WNT7B: variants seen among roughly 807,000 people sequenced by gnomAD.
WNT7B encodes protein Wnt-7b.
Under a neutral mutation model 38.2 loss-of-function variants are expected in WNT7B, and 19 were observed. The ratio of observed to expected loss-of-function variants is 0.50; its 90% CI spans 0.35 to 0.73. The LOEUF (loss-of-function observed/expected upper bound fraction) is 0.73. Ranked by LOEUF, WNT7B falls within the 30% of genes least tolerant of loss-of-function variation. WNT7B has a pLI of 0.01. For missense variants in WNT7B, 423 were observed against 507.9 expected (o/e 0.83, Z 1.61); for synonymous variants, 243 against 209.3 (o/e 1.16, Z -1.39).
At chr22:45,931,994 A>T (rs943391710) in intron 2 of WNT7B, among the ~76,000 whole-genome samples, 13 of 152,108 alleles carry the variant, frequency 8.5e-5, no homozygotes, top group African/African-American at 3.1e-4. Flanking sequence ...GTCCGTCTCC[A>T]GATCCTCGGC....
intron 2 of WNT7B, among the ~76,000 whole-genome samples, chr22:45,938,217 G>A (rs1931559143): frequency 6.6e-6 from 1 of 152,168 alleles, no homozygotes; most frequent in South Asian, 2.1e-4. Context: ...GGCACAGAGA[G>A]ACAAATATCA....
At chr22:45,925,084 C>T in intron 3 of WNT7B, 1 of 977,548 alleles carries the variant, frequency 1.0e-6, no homozygotes, top group South Asian at 4.8e-5. Flanking sequence ...CAGGTGGGTG[C>T]TGGGTGGGCC....
Position 45,965,128 on chromosome 22 carries a change from C to T in WNT7B, c.71+11556G>A, listed in dbSNP as rs1932283850. On this transcript the variant is annotated intron_variant, in intron 1 of 3. Transcript: ENST00000339464. The surrounding 1 kb of genome is among the most constrained non-coding windows in gnomAD (Gnocchi z 6.5). ...CTACTCAAACCTGCTGCTCCCCACT[C>T]CTGATGCTGCCACATCCTCTTCACA... 6.6e-6 allele frequency among the ~76,000 whole-genome samples: 1 copy of T among 152,146 alleles called. No homozygotes were observed. Among genetic ancestry groups the T allele is most frequent in the Non-Finnish European group, 1.5e-5 (1 of 68,022 alleles).
chr22:45,940,313 A>T (rs912429925), intron 2 of WNT7B, among the ~76,000 whole-genome samples: 1 of 152,022 alleles, frequency 6.6e-6, no homozygotes, highest in African/African-American at 2.4e-5. Flanking sequence ...ACAGCAGGTG[A>T]GACACCGAGC....
intron 2 of WNT7B, 117 bp downstream of exon 2, chr22:45,949,803 A>G (rs1931886703): frequency 2.0e-6 from 2 of 1,008,040 alleles, no homozygotes; most frequent in Non-Finnish European, 2.8e-6. Context: ...AGGCAAAGAA[A>G]TTGGCCCCCC....
intron 3 of WNT7B, among the ~76,000 whole-genome samples, chr22:45,928,634 T>TCTCCCCAGGGGTCAGTCCTGC (rs139335729): frequency 9.9e-5 from 15 of 151,810 alleles, no homozygotes; most frequent in African/African-American, 3.6e-4. Context: ...CCACCTCCTG[T>TCTCCCCAGGGGTCAGTCCTGC]CTCCATTTCC....
chr22:45,929,200 G>A (rs2146708916), intron 3 of WNT7B, among the ~76,000 whole-genome samples: 1 of 152,286 alleles, frequency 6.6e-6, no homozygotes, highest in South Asian at 2.1e-4. Flanking sequence ...CCTCCCAGAT[G>A]CCTCCAGGTA....
intron 2 of WNT7B, among the ~76,000 whole-genome samples, chr22:45,933,340 C>T (rs1931427273): frequency 6.6e-6 from 1 of 152,244 alleles, no homozygotes; most frequent in Non-Finnish European, 1.5e-5. Context: ...TCCTGCCAGC[C>T]TCTCCTCTTC....
At chr22:45,961,374 C>T (rs1189998437) in intron 1 of WNT7B, among the ~76,000 whole-genome samples, 1 of 152,184 alleles carries the variant, frequency 6.6e-6, no homozygotes, top group African/African-American at 2.4e-5. Context: ...CCGGGAGGGG[C>T]CTTACACCTG....
Position 45,977,034 on chromosome 22 carries a change from C to T in WNT7B, c.-280G>A. 2 of 984,658 alleles carry T rather than the reference C, an allele frequency of 2.0e-6. No homozygotes were observed. Among genetic ancestry groups the T allele is most frequent in the Non-Finnish European group, 2.4e-6 (2 of 829,798 alleles). The allele number at this position is 984,658 out of a possible 1,614,324, so 61.0% of individuals were successfully genotyped here. A position where few individuals can be genotyped will look rare whatever the true frequency, so the allele number is the denominator to read the frequency against. ...GACCGTGGACCCCTGCAAGCGCGGG[C>T]CGGGGGCCCGGGCGCGGCTGGCGGG... On this transcript the variant is annotated 5_prime_UTR_variant, in exon 1 of 4. Transcript: ENST00000339464.
At position 45,931,328 on chromosome 22, in the gene WNT7B, C is replaced by T. The variant is rs547881953; in HGVS notation, c.340G>A (p.Gly114Ser). 6 of 1,596,324 alleles carry T rather than the reference C, an allele frequency of 3.8e-6. No individual in the cohort carries two copies. The Admixed American group carries it at 8.3e-5, about 22-fold the overall frequency. Reference sequence around the variant, plus strand: ...GCAGCGGTGACGGCGTGCGCCACGCCAGCCGCGGTGATGGCGTACGTGAAG... The same window carrying T: ...GCAGCGGTGACGGCGTGCGCCACGCTAGCCGCGGTGATGGCGTACGTGAAG... ...AAFTYAITAA[G>S]VAHAVTAACS... is the part of the protein sequence containing the mutation. Residue 114 changes from glycine (G) to serine (S), a missense_variant, in exon 3 of 4, where the codon GGC (glycine) becomes AGC (serine). Gly to Ser is a moderately conservative substitution (Grantham distance 56). Transcript: ENST00000339464.
intron 2 of WNT7B, among the ~76,000 whole-genome samples, chr22:45,946,644 G>T (rs1384079209): frequency 6.6e-6 from 1 of 152,190 alleles, no homozygotes; most frequent in Non-Finnish European, 1.5e-5. Flanking sequence ...CACAGCAGTG[G>T]AGGGGGGCCT....
chr22:45,944,487 G>A (rs1931748002), intron 2 of WNT7B, among the ~76,000 whole-genome samples: 1 of 152,224 alleles, frequency 6.6e-6, no homozygotes, highest in South Asian at 2.1e-4. Context: ...AAGTCTTTCT[G>A]ACCCTGACCT....
chr22:45,959,162 C>T (rs925072732), intron 1 of WNT7B, among the ~76,000 whole-genome samples: 3 of 152,178 alleles, frequency 2.0e-5, no homozygotes, highest in East Asian at 3.9e-4. Context: ...CACTCTTCCC[C>T]GACAGAGGCC....
At chr22:45,950,915 G>A (rs35395954) in intron 1 of WNT7B, among the ~76,000 whole-genome samples, 5,463 of 152,334 alleles carry the variant, frequency 0.036, 159 homozygotes, top group Middle Eastern at 0.065. Context: ...GGGCTTGGCA[G>A]GGGCCTTATT....
intron 1 of WNT7B, among the ~76,000 whole-genome samples, chr22:45,953,440 G>A (rs961173460): frequency 6.6e-6 from 1 of 152,348 alleles, no homozygotes; most frequent in African/African-American, 2.4e-5. Flanking sequence ...CCAGGTCTCC[G>A]GGCTGCCGGG....
chr22:45,929,047 T>C (rs896784366), intron 3 of WNT7B, among the ~76,000 whole-genome samples: 1 of 152,072 alleles, frequency 6.6e-6, no homozygotes, highest in Non-Finnish European at 1.5e-5. Context: ...ATCTTTAAAA[T>C]GGGGAGAGTG....
intron 3 of WNT7B, 26 bp downstream of exon 3, chr22:45,931,072 C>G (rs1365224716): frequency 1.3e-6 from 2 of 1,544,520 alleles, no homozygotes; most frequent in Non-Finnish European, 1.7e-6. Flanking sequence ...CAGCTACGGC[C>G]CCCACCAGCC....
intron 1 of WNT7B, among the ~76,000 whole-genome samples, chr22:45,971,210 G>A (rs1354457621): frequency 6.7e-6 from 1 of 148,900 alleles, no homozygotes; most frequent in Non-Finnish European, 1.5e-5. Context: ...GCCGCGTCAG[G>A]CGACCCCGGA....
Sources: allele counts gnomAD v4.1 joint callset (sites outside exome capture counted in the v4.1 genomes callset), GRCh38; gene constraint gnomAD v4.1.1; non-coding constraint Gnocchi (gnomAD v3.1); transcripts MANE v1.5; gene names NCBI Gene and HGNC (gene_info 2026-07-23, HGNC 2026-07-21).